The following HIRA variants were observed in gnomAD, a reference collection of about 807,000 sequenced individuals.
The protein encoded by HIRA is protein HIRA.
In HIRA, 13 loss-of-function variants were observed where a neutral mutation model predicts 126.6. The observed-to-expected ratio is 0.10, with a 90% CI of 0.07 to 0.16. HIRA has a LOEUF of 0.16. HIRA is among the 10% of genes least tolerant of loss of function. The pLI is 1.00. For missense variants in HIRA, 834 were observed against 1,314.4 expected (o/e 0.63, Z 5.65); for synonymous variants, 511 against 520.0 (o/e 0.98, Z 0.24).
At chr22:19,385,787 C>A in intron 11 of HIRA, 51 bp from the exon 12 acceptor site, 3 of 1,543,954 alleles carry the variant, frequency 1.9e-6, no homozygotes, top group Non-Finnish European at 1.8e-6. Context: ...CCAGTGTGGC[C>A]AGTGCTGCCC....
chr22:19,333,875 C>A (rs1480510126), intron 24 of HIRA, among the ~76,000 whole-genome samples: 1 of 152,120 alleles, frequency 6.6e-6, no homozygotes, highest in Non-Finnish European at 1.5e-5. Context: ...GCTGTTGAAC[C>A]CTTCTAGTGA....
At chr22:19,353,252 G>C in intron 23 of HIRA, 104 bp downstream of exon 23, 2 of 1,398,114 alleles carry the variant, frequency 1.4e-6, no homozygotes. Context: ...GGTAGAGGCT[G>C]CTGGGCCATC....
At chr22:19,337,790 C>A (rs2088582494) in intron 24 of HIRA, among the ~76,000 whole-genome samples, 1 of 151,868 alleles carries the variant, frequency 6.6e-6, no homozygotes, top group Non-Finnish European at 1.5e-5. Flanking sequence ...TACACGAAAG[C>A]CTATCGGATT....
In HIRA at chr22:19,331,245, C is replaced by A. The variant is rs367852194; in HGVS notation, c.*195G>T. 6 of 1,507,188 alleles carry A rather than the reference C, an allele frequency of 4.0e-6. No individual in the cohort carries two copies. The East Asian group carries it at 7.8e-5, about 19-fold the overall frequency. The allele number at this position is 1,507,188 out of a possible 1,614,324, so 93.4% of individuals were successfully genotyped here. On this transcript the variant is annotated 3_prime_UTR_variant, in exon 25 of 25. Coordinates refer to ENST00000263208, the MANE Select transcript of HIRA (RefSeq NM_003325.4). The stretch of plus-strand genomic sequence containing the variant: ...CTTGGAGGGAGGGATGAGCTTCCCC[C>A]TCCTGAGGCAATGTCAGACCCAGGA...
At chr22:19,398,964 G>GT (rs1469948930) in intron 5 of HIRA, 2 of 232,910 alleles carry the variant, frequency 8.6e-6, no homozygotes, top group East Asian at 3.6e-4. Context: ...GTAAGACCCT[G>GT]TCTCAAAAAA....
intron 16 of HIRA, 105 bp downstream of exon 16, chr22:19,361,622 C>G (rs1261784067): frequency 8.8e-7 from 1 of 1,138,226 alleles, no homozygotes; most frequent in African/African-American, 1.5e-5. Flanking sequence ...CCAGCTGGTT[C>G]CCAAGGTGAC....
intron 15 of HIRA, among the ~76,000 whole-genome samples, chr22:19,370,572 C>G (rs966139654): frequency 2.0e-5 from 3 of 152,182 alleles, no homozygotes; most frequent in African/African-American, 7.2e-5. Flanking sequence ...TTTTAAAGGG[C>G]TCCTCCTGGT....
intron 15 of HIRA, chr22:19,365,913 T>C (rs954175412): frequency 6.6e-6 from 1 of 152,252 alleles, no homozygotes; most frequent in Non-Finnish European, 1.5e-5. Context: ...CCACACCAGG[T>C]TGCCTAAGGA....
intron 1 of HIRA, among the ~76,000 whole-genome samples, chr22:19,421,328 A>G (rs1017447766): frequency 2.0e-5 from 3 of 151,624 alleles, no homozygotes; most frequent in Non-Finnish European, 4.4e-5. Flanking sequence ...GCACAGCAAC[A>G]TTTTAGCTAT....
chr22:19,356,768 C>T, intron 19 of HIRA, 122 bp downstream of exon 19: 2 of 969,762 alleles, frequency 2.1e-6, no homozygotes, highest in South Asian at 1.6e-5. Flanking sequence ...TGCTCAGGGC[C>T]TCTTCTGGGG....
chr22:19,400,902 C>A (rs957830764), intron 5 of HIRA, among the ~76,000 whole-genome samples: 2 of 152,136 alleles, frequency 1.3e-5, no homozygotes, highest in Non-Finnish European at 2.9e-5. Flanking sequence ...ACAGGCCAAC[C>A]ATCAGCCCCG....
At chr22:19,356,607 A>G (rs2088814699) in intron 19 of HIRA, among the ~76,000 whole-genome samples, 1 of 152,212 alleles carries the variant, frequency 6.6e-6, no homozygotes, top group Non-Finnish European at 1.5e-5. Flanking sequence ...ATTTCTGATG[A>G]ATCTTGCATA....
intron 7 of HIRA, among the ~76,000 whole-genome samples, chr22:19,395,633 G>A (rs1488550150): frequency 1.3e-5 from 2 of 152,156 alleles, no homozygotes; most frequent in Admixed American, 6.5e-5. Flanking sequence ...GGGCAAATGC[G>A]TGCTCTTCCT....
intron 24 of HIRA, among the ~76,000 whole-genome samples, chr22:19,347,381 T>C (rs1556009189): frequency 1.3e-5 from 2 of 152,192 alleles, no homozygotes; most frequent in Non-Finnish European, 2.9e-5. Context: ...CAAATTATTT[T>C]AGAAAATGTT....
chr22:19,394,893 C>A (rs1055274154), intron 7 of HIRA, among the ~76,000 whole-genome samples: 2 of 152,200 alleles, frequency 1.3e-5, no homozygotes, highest in African/African-American at 4.8e-5. Flanking sequence ...ATCTGCACAG[C>A]ATCCTCAAGA....
rs563424460 is a variant in HIRA, at chr22:19,415,144, C to T, written c.38-4366G>A. Among the ~76,000 whole-genome samples the T allele has an allele frequency of 3.1e-3, 478 of 152,116 alleles. 15 individuals are homozygous for T. Among genetic ancestry groups the T allele is most frequent in the Non-Finnish European group, 4.7e-4 (32 of 67,990 alleles). ...CTGGAATTACAGGCTTGAGCCACCC[C>T]GCCCAGCTACAAACAACATAATCTT... On this transcript the variant is annotated intron_variant, in intron 1 of 24. Coordinates refer to ENST00000263208, the MANE Select transcript of HIRA (RefSeq NM_003325.4).
intron 15 of HIRA, among the ~76,000 whole-genome samples, chr22:19,370,189 G>A (rs562512125): frequency 1.8e-4 from 27 of 152,200 alleles, no homozygotes; most frequent in African/African-American, 5.8e-4. Context: ...CTAACCTCAG[G>A]TGATCTGCCC....
At chr22:19,417,330 A>G (rs2089407080) in intron 1 of HIRA, among the ~76,000 whole-genome samples, 1 of 152,140 alleles carries the variant, frequency 6.6e-6, no homozygotes, top group Non-Finnish European at 1.5e-5. Flanking sequence ...ATCCATTAAG[A>G]TGGCTACTAA....
intron 21 of HIRA, among the ~76,000 whole-genome samples, 195 bp downstream of exon 21, chr22:19,355,565 G>C (rs1556012185): frequency 6.6e-6 from 1 of 152,226 alleles, no homozygotes; most frequent in Non-Finnish European, 1.5e-5. Flanking sequence ...CAGGCTCTGA[G>C]GGCAGAGGCC....
Sources: gnomAD v4.1 joint callset for allele counts (sites outside exome capture counted in the v4.1 genomes callset) on GRCh38, gnomAD v4.1.1 for gene constraint, MANE v1.5 for transcripts, NCBI Gene and HGNC (gene_info 2026-07-23, HGNC 2026-07-21) for gene names.